GPR137C: variants seen among roughly 807,000 people sequenced by gnomAD.
The protein encoded by GPR137C is integral membrane protein GPR137C.
GPR137C carries 27 observed loss-of-function variants against 43.4 expected under a neutral mutation model. That is an observed-to-expected ratio of 0.62 (90% CI 0.46 to 0.86). GPR137C has a LOEUF of 0.86. GPR137C is among the 40% of genes least tolerant of loss of function. GPR137C has a pLI of 0.00. For missense variants in GPR137C, 522 were observed against 534.6 expected, an observed-to-expected ratio of 0.98 and a Z score of 0.23; for synonymous variants, 285 against 226.9, an observed-to-expected ratio of 1.26 and a Z score of -2.30.
chr14:52,622,714 G>A (rs749626273), intron 3 of GPR137C, among the ~76,000 whole-genome samples: 1 of 152,048 alleles, frequency 6.6e-6, no homozygotes, highest in Non-Finnish European at 1.5e-5. Context: ...AGTCAATCAC[G>A]TAAGTGCTTT....
intron 6 of GPR137C, 79 bp from the exon 7 acceptor site, chr14:52,634,859 G>GA (rs898168185): frequency 7.9e-7 from 1 of 1,259,332 alleles, no homozygotes; most frequent in African/African-American, 1.5e-5. Context: ...AAAATTCATT[G>GA]AAAATGCTAA....
intron 1 of GPR137C, among the ~76,000 whole-genome samples, chr14:52,585,333 C>G (rs975636945): frequency 5.9e-5 from 9 of 152,148 alleles, no homozygotes; most frequent in African/African-American, 2.2e-4. Flanking sequence ...CTGTCTAGAG[C>G]CTTCCTAACA....
At chr14:52,628,189 A>G (rs1227307876) in intron 3 of GPR137C, among the ~76,000 whole-genome samples, 1 of 151,902 alleles carries the variant, frequency 6.6e-6, no homozygotes, top group African/African-American at 2.4e-5. Context: ...ATGAGAGCTT[A>G]GAAATCAATC....
In GPR137C at chr14:52,553,586, G is replaced by A; in HGVS notation, c.439G>A (p.Ala147Thr). 6.4e-7 allele frequency: 1 copy of A among 1,558,454 alleles called. No homozygotes were observed. Residue 147 changes from alanine to threonine, a missense_variant, in exon 1 of 7, where the codon GCG (alanine) becomes ACG (threonine). This residue lies in a region of GPR137C where 437 missense variants were observed against 425.7 expected (regional missense o/e 1.03). Coordinates refer to ENST00000321662, the MANE Select transcript of GPR137C (RefSeq NM_001099652.2). ...GCTCTGTCTCCTCAACCTCTACCTG[G>A]CGGAGGTAAGGCGGGAGGGCCGGCA... ...STLCLLNLYL[A>T]EVICKVRCAT...
chr14:52,574,561 C>T (rs1438031434), intron 1 of GPR137C, among the ~76,000 whole-genome samples: 3 of 151,978 alleles, frequency 2.0e-5, no homozygotes, highest in Non-Finnish European at 2.9e-5. Context: ...CGGGGCCTGT[C>T]GGTAGGTGGG....
At chr14:52,611,413 ATTACT>A (rs2039037720) in intron 3 of GPR137C, 1 of 169,462 alleles carries the variant, frequency 5.9e-6, no homozygotes, top group African/African-American at 2.4e-5. Context: ...ATTCTTGTTA[ATTACT>A]TTATATTGCT....
chr14:52,580,856 AAT>A (rs2038634663), intron 1 of GPR137C, among the ~76,000 whole-genome samples: 1 of 147,546 alleles, frequency 6.8e-6, no homozygotes, highest in Admixed American at 6.8e-5. Context: ...TAAATATATA[AAT>A]ATATATTTCT....
At chr14:52,610,083 C>G (rs2039022661) in intron 3 of GPR137C, among the ~76,000 whole-genome samples, 1 of 152,192 alleles carries the variant, frequency 6.6e-6, no homozygotes, top group South Asian at 2.1e-4. Flanking sequence ...TCTTTGCATT[C>G]AGGCCTCAGT....
chr14:52,579,082 C>T (rs1358800796), intron 1 of GPR137C, among the ~76,000 whole-genome samples: 1 of 152,130 alleles, frequency 6.6e-6, no homozygotes, highest in Non-Finnish European at 1.5e-5. Context: ...TCTTCTTGGG[C>T]TGCTAAGATT....
chr14:52,580,823 T>C (rs1029035619), intron 1 of GPR137C, among the ~76,000 whole-genome samples: 18 of 147,512 alleles, frequency 1.2e-4, no homozygotes, highest in Non-Finnish European at 2.7e-4. Context: ...TATATTTATA[T>C]AATAATATTT....
intron 1 of GPR137C, among the ~76,000 whole-genome samples, chr14:52,591,104 A>G (rs1275645673): frequency 6.6e-6 from 1 of 151,216 alleles, no homozygotes; most frequent in Non-Finnish European, 1.5e-5. Flanking sequence ...TCCTTGTGAT[A>G]GTCTGCTGAG....
chr14:52,614,675 C>T (rs559557480), intron 3 of GPR137C, among the ~76,000 whole-genome samples: 23 of 151,840 alleles, frequency 1.5e-4, no homozygotes, highest in South Asian at 4.2e-4. Context: ...TTTGTAGAGA[C>T]GGGGTCTCGC....
intron 3 of GPR137C, among the ~76,000 whole-genome samples, chr14:52,625,362 CTCG>C (rs2039210446): frequency 6.6e-6 from 1 of 150,808 alleles, no homozygotes. Flanking sequence ...CGCACCTGTA[CTCG>C]CTTCTACTCG....
intron 3 of GPR137C, among the ~76,000 whole-genome samples, chr14:52,614,369 C>G (rs536437716): frequency 1.3e-5 from 2 of 152,170 alleles, no homozygotes; most frequent in African/African-American, 4.8e-5. Context: ...AATCTGCCCA[C>G]CTCGGCCTTC....
At chr14:52,622,611 A>G (rs1167621772) in intron 3 of GPR137C, among the ~76,000 whole-genome samples, 3 of 152,026 alleles carry the variant, frequency 2.0e-5, no homozygotes, top group Non-Finnish European at 4.4e-5. Context: ...TATGCCCAGT[A>G]GCCAAGTCCA....
At position 52,587,215 on chromosome 14, in the gene GPR137C, T is replaced by A. The variant is rs998661958; in HGVS notation, c.445-11057T>A. ...GTAGGTATTGGGCTCTATATCTGAGTAAGTTATGGTCTTTCTTAAGAGAGA... is the reference window on the plus strand; with the variant it reads ...GTAGGTATTGGGCTCTATATCTGAGAAAGTTATGGTCTTTCTTAAGAGAGA... On this transcript the variant is annotated intron_variant, in intron 1 of 6. Coordinates refer to ENST00000321662, the MANE Select transcript of GPR137C (RefSeq NM_001099652.2). 5.3e-5 allele frequency among the ~76,000 whole-genome samples: 8 copies of A among 152,204 alleles called. No homozygotes were observed. The East Asian group carries it at 1.5e-3, about 29-fold the overall frequency.
intron 1 of GPR137C, among the ~76,000 whole-genome samples, chr14:52,591,227 A>G (rs1351558195): frequency 6.6e-6 from 1 of 152,128 alleles, no homozygotes; most frequent in Admixed American, 6.5e-5. Context: ...AATCCAGTCT[A>G]TCATTGATAG....
At chr14:52,571,351 A>G (rs977934476) in intron 1 of GPR137C, among the ~76,000 whole-genome samples, 1 of 152,226 alleles carries the variant, frequency 6.6e-6, no homozygotes, top group Admixed American at 6.5e-5. Flanking sequence ...TTAGAGGGAA[A>G]TTTATAGCAC....
intron 1 of GPR137C, among the ~76,000 whole-genome samples, chr14:52,558,701 TAATC>T (rs559859090): frequency 4.0e-5 from 6 of 150,908 alleles, no homozygotes; most frequent in Admixed American, 6.6e-5. Context: ...ACACAATAAT[TAATC>T]ATTTATGAAT....
Sources: allele counts gnomAD v4.1 joint callset (sites outside exome capture counted in the v4.1 genomes callset), GRCh38; gene constraint gnomAD v4.1.1; regional missense constraint gnomAD v4.1.1; transcripts MANE v1.5; gene names NCBI Gene and HGNC (gene_info 2026-07-23, HGNC 2026-07-21).